The following MGMT variants were observed in gnomAD, a reference collection of about 807,000 sequenced individuals.
MGMT encodes the protein methylated-DNA--protein-cysteine methyltransferase.
A neutral mutation model predicts 15.9 loss-of-function variants in MGMT; 14 were observed. The observed-to-expected ratio is 0.88, with a 90% CI of 0.58 to 1.37. MGMT has a LOEUF of 1.37. Among genes scored for constraint, MGMT ranks in the 40% most tolerant of loss-of-function variants. The probability of loss-of-function intolerance (pLI) is 0.00; values close to 1 mark genes in which losing one functional copy is unlikely to be tolerated. For missense variants in MGMT, 282 were observed against 268.1 expected (o/e 1.05, Z -0.36); for synonymous variants, 130 against 118.2 (o/e 1.10, Z -0.65).
chr10:129,580,560 C>T (rs957639791), intron 2 of MGMT, among the ~76,000 whole-genome samples: 26 of 152,326 alleles, frequency 1.7e-4, no homozygotes, highest in Admixed American at 1.2e-3. Context: ...CCCATGCACA[C>T]CTCCTCAGAC....
chr10:129,519,582 C>T (rs766481363), intron 1 of MGMT, among the ~76,000 whole-genome samples: 3 of 152,300 alleles, frequency 2.0e-5, no homozygotes, highest in South Asian at 2.1e-4. Flanking sequence ...CCACAGCCAC[C>T]GGAGCATGTT....
chr10:129,487,399 G>C (rs571345477), intron 1 of MGMT, among the ~76,000 whole-genome samples: 2 of 152,100 alleles, frequency 1.3e-5, no homozygotes, highest in African/African-American at 4.8e-5. Flanking sequence ...GCACAGTTTT[G>C]GATTACATGT....
chr10:129,502,309 C>T (rs1210217457), intron 1 of MGMT, among the ~76,000 whole-genome samples: 1 of 152,134 alleles, frequency 6.6e-6, no homozygotes, highest in Non-Finnish European at 1.5e-5. Context: ...TTTGATCTTC[C>T]TTAGGTTTGC....
At chr10:129,732,114 T>A (rs1848504930) in intron 3 of MGMT, among the ~76,000 whole-genome samples, 1 of 152,074 alleles carries the variant, frequency 6.6e-6, no homozygotes, top group Non-Finnish European at 1.5e-5. Context: ...TACTCTAAAA[T>A]ATTACTCACA....
chr10:129,541,910 G>A (rs1846046173), intron 2 of MGMT, among the ~76,000 whole-genome samples: 1 of 152,160 alleles, frequency 6.6e-6, no homozygotes, highest in South Asian at 2.1e-4. Context: ...GAGGCTGGGT[G>A]GGGCATGCAG....
rs1269984066 is a variant in MGMT, at chr10:129,527,939, TCTC to T, written c.-12-8292_-12-8290del. Among the ~76,000 whole-genome samples the T allele has an allele frequency of 9.9e-5, 15 of 151,952 alleles. 1 individual carries two copies. The highest frequency in any genetic ancestry group is 6.8e-3 in the Middle Eastern group (2 of 294). On this transcript the variant is annotated intron_variant, in intron 1 of 4. Transcript: ENST00000651593. Reference sequence around the variant, plus strand: ...CGCACCTGCCTGCCTCAGTCTCTCCTCTCCTCCTCCTCTCCACCCAGAAAACTA... The same window carrying T: ...CGCACCTGCCTGCCTCAGTCTCTCCTCTCCTCCTCTCCACCCAGAAAACTA...
chr10:129,516,718 T>C (rs1448063459), intron 1 of MGMT, among the ~76,000 whole-genome samples: 10 of 143,974 alleles, frequency 6.9e-5, no homozygotes, highest in Admixed American at 6.8e-4. Flanking sequence ...CCACCACCAA[T>C]AACATTTTAC....
At chr10:129,738,967 G>A (rs186736907) in intron 3 of MGMT, among the ~76,000 whole-genome samples, 15 of 152,196 alleles carry the variant, frequency 9.9e-5, no homozygotes, top group Admixed American at 3.3e-4. Context: ...CCATCAAGTC[G>A]GCTTCATCCC....
intron 3 of MGMT, among the ~76,000 whole-genome samples, chr10:129,726,165 A>G (rs571463106): frequency 6.6e-6 from 1 of 152,064 alleles, no homozygotes; most frequent in Non-Finnish European, 1.5e-5. Flanking sequence ...TGTGATCCTC[A>G]TATCCAAGTG....
At chr10:129,738,210 C>T (rs374346155) in intron 3 of MGMT, among the ~76,000 whole-genome samples, 1,623 of 152,308 alleles carry the variant, frequency 0.011, 22 homozygotes, top group South Asian at 0.041. Context: ...AGCGAGACTC[C>T]GTGGGCATAG....
At chr10:129,670,933 C>T (rs188456957) in intron 2 of MGMT, among the ~76,000 whole-genome samples, 71 of 152,238 alleles carry the variant, frequency 4.7e-4, no homozygotes, top group Admixed American at 4.3e-3. Context: ...TTGTTTAATG[C>T]TGTCAGTCAT....
chr10:129,523,491 C>T (rs571633925), intron 1 of MGMT, among the ~76,000 whole-genome samples: 9 of 152,214 alleles, frequency 5.9e-5, no homozygotes, highest in East Asian at 1.9e-4. Flanking sequence ...TCGGATGTCT[C>T]GGGCCTGGGG....
intron 2 of MGMT, among the ~76,000 whole-genome samples, chr10:129,555,031 T>C (rs1489340562): frequency 6.6e-6 from 1 of 152,174 alleles, no homozygotes; most frequent in Non-Finnish European, 1.5e-5. Flanking sequence ...AGCAGGAAAC[T>C]CTTAGAACAA....
chr10:129,567,662 G>A (rs939066182), intron 2 of MGMT, among the ~76,000 whole-genome samples: 1 of 152,148 alleles, frequency 6.6e-6, no homozygotes. Flanking sequence ...AGATTTACTG[G>A]TGTCGGAGTT....
In MGMT at chr10:129,720,838, C is replaced by G. The variant is rs1228160719; in HGVS notation, c.274+12795C>G. Among the ~76,000 whole-genome samples the G allele has an allele frequency of 1.3e-5, 2 of 151,960 alleles. 1 individual carries two copies. The highest frequency in any genetic ancestry group is 3.9e-4 in the East Asian group (2 of 5,186). ...GACCTGGATCTCTCTTGAGAGTGAG[C>G]ATTGAATGGGCCTTCCCTGCCCCTA... On this transcript the variant is annotated intron_variant, in intron 3 of 4. Transcript: ENST00000651593.
chr10:129,528,135 T>C (rs1404901733), intron 1 of MGMT, among the ~76,000 whole-genome samples: 5 of 152,208 alleles, frequency 3.3e-5, no homozygotes, highest in Admixed American at 2.6e-4. Flanking sequence ...GTTCAACATA[T>C]ATTTGCTGAG....
intron 2 of MGMT, among the ~76,000 whole-genome samples, chr10:129,580,925 C>T (rs926359753): frequency 1.3e-5 from 2 of 152,224 alleles, no homozygotes; most frequent in Admixed American, 6.5e-5. Context: ...TTGAGAAATG[C>T]ATCCTTACAC....
intron 2 of MGMT, among the ~76,000 whole-genome samples, chr10:129,548,542 G>A (rs1030059397): frequency 1.3e-5 from 2 of 152,182 alleles, no homozygotes; most frequent in African/African-American, 4.8e-5. Context: ...AAAGTTTTTG[G>A]TGTGTTTAAA....
chr10:129,634,959 G>A (rs1847249067), intron 2 of MGMT, among the ~76,000 whole-genome samples: 1 of 152,138 alleles, frequency 6.6e-6, no homozygotes, highest in African/African-American at 2.4e-5. Flanking sequence ...GCTTTGTTCT[G>A]GGATACAGTC....
Sources: allele counts gnomAD v4.1 joint callset (sites outside exome capture counted in the v4.1 genomes callset), GRCh38; gene constraint gnomAD v4.1.1; transcripts MANE v1.5; gene names NCBI Gene and HGNC (gene_info 2026-07-23, HGNC 2026-07-21).